The following MACROD2 variants were observed in gnomAD, a reference collection of about 807,000 sequenced individuals.
MACROD2 encodes ADP-ribose glycohydrolase MACROD2.
A neutral mutation model predicts 70.4 loss-of-function variants in MACROD2; 36 were observed. The observed-to-expected ratio is 0.51, with a 90% CI of 0.39 to 0.68. MACROD2 has a LOEUF of 0.68. Among genes scored for constraint, MACROD2 ranks in the 30% least tolerant of loss-of-function variants. The pLI, the probability that MACROD2 is intolerant of heterozygous loss-of-function variation, is 0.00. For missense variants in MACROD2, 496 were observed against 538.4 expected (o/e 0.92, Z 0.78); for synonymous variants, 172 against 178.8 (o/e 0.96, Z 0.30).
intron 4 of MACROD2, among the ~76,000 whole-genome samples, chr20:14,582,418 G>C (rs1214788893): frequency 6.6e-6 from 1 of 151,946 alleles, no homozygotes; most frequent in Non-Finnish European, 1.5e-5. Context: ...TCTGTGAGTT[G>C]GTTGCCTTAA....
intron 3 of MACROD2, among the ~76,000 whole-genome samples, chr20:14,167,083 A>T (rs1434921725): frequency 6.6e-6 from 1 of 151,486 alleles, no homozygotes; most frequent in Non-Finnish European, 1.5e-5. Flanking sequence ...ACATGTCTTG[A>T]TTTTCTGTTT....
chr20:14,859,453 G>A (rs1403027897), intron 5 of MACROD2, among the ~76,000 whole-genome samples: 5 of 152,070 alleles, frequency 3.3e-5, no homozygotes, highest in African/African-American at 7.2e-5. Context: ...AATGCTAGTC[G>A]TTGTTATTAT....
intron 5 of MACROD2, among the ~76,000 whole-genome samples, chr20:15,164,062 G>A (rs904517924): frequency 2.0e-5 from 3 of 152,120 alleles, no homozygotes; most frequent in African/African-American, 7.2e-5. Flanking sequence ...AAAAAAATCA[G>A]AGAAAATAAC....
intron 4 of MACROD2, among the ~76,000 whole-genome samples, chr20:14,586,394 C>A (rs1259808938): frequency 6.6e-6 from 1 of 151,978 alleles, no homozygotes; most frequent in Non-Finnish European, 1.5e-5. Flanking sequence ...TTTCCTAATT[C>A]TAGGGTGCCA....
intron 6 of MACROD2, among the ~76,000 whole-genome samples, chr20:15,264,720 C>T (rs1372579696): frequency 6.6e-6 from 1 of 150,760 alleles, no homozygotes; most frequent in African/African-American, 2.4e-5. Context: ...ACCTTTTAGT[C>T]TCCTCTCCTG....
At chr20:14,930,863 T>TAAA (rs11448674) in intron 5 of MACROD2, among the ~76,000 whole-genome samples, 11 of 120,348 alleles carry the variant, frequency 9.1e-5, no homozygotes, top group Admixed American at 4.4e-4. Flanking sequence ...TTTTTTTAAG[T>TAAA]AAAAAAAAAA....
At chr20:15,398,861 C>A (rs1241201106) in intron 6 of MACROD2, among the ~76,000 whole-genome samples, 1 of 151,946 alleles carries the variant, frequency 6.6e-6, no homozygotes, top group Non-Finnish European at 1.5e-5. Flanking sequence ...ACTCTTTCAC[C>A]CAGGTTGTGC....
intron 6 of MACROD2, among the ~76,000 whole-genome samples, chr20:15,307,775 A>G (rs1028735799): frequency 1.3e-5 from 2 of 152,178 alleles, no homozygotes; most frequent in African/African-American, 2.4e-5. Flanking sequence ...AGGATCCAAT[A>G]CAAGATAACA....
At chr20:14,611,475 CG>C (rs1328636683) in intron 4 of MACROD2, among the ~76,000 whole-genome samples, 1 of 84,708 alleles carries the variant, frequency 1.2e-5, no homozygotes, top group Non-Finnish European at 2.2e-5. Flanking sequence ...TTTTTTTTGG[CG>C]GGGGGTCATA....
intron 5 of MACROD2, among the ~76,000 whole-genome samples, chr20:14,942,144 C>G (rs1284706602): frequency 6.6e-6 from 1 of 151,988 alleles, no homozygotes; most frequent in African/African-American, 2.4e-5. Flanking sequence ...GTTGCTTTTT[C>G]TTGCTTTTAA....
intron 4 of MACROD2, among the ~76,000 whole-genome samples, chr20:14,561,522 T>C (rs1443655584): frequency 6.6e-5 from 10 of 151,874 alleles, no homozygotes; most frequent in African/African-American, 2.2e-4. Context: ...ACAAATGTTA[T>C]ATTTTTATTT....
At chr20:15,279,576 C>T (rs949069478) in intron 6 of MACROD2, among the ~76,000 whole-genome samples, 2 of 152,052 alleles carry the variant, frequency 1.3e-5, no homozygotes, top group South Asian at 2.1e-4. Context: ...GAAATTGATA[C>T]AAAAAAGTAA....
At chr20:15,657,339 G>C (rs1454701211) in intron 8 of MACROD2, among the ~76,000 whole-genome samples, 1 of 152,176 alleles carries the variant, frequency 6.6e-6, no homozygotes, top group East Asian at 1.9e-4. Context: ...AGCTACTAAA[G>C]AGCAGAAAGA....
chr20:15,749,209 T>C (rs2051231441), intron 8 of MACROD2, among the ~76,000 whole-genome samples: 1 of 152,104 alleles, frequency 6.6e-6, no homozygotes, highest in Non-Finnish European at 1.5e-5. Flanking sequence ...TTAGCTAGCA[T>C]AGAGTAAGTA....
intron 15 of MACROD2, among the ~76,000 whole-genome samples, chr20:15,995,027 A>T (rs1028756906): frequency 6.6e-6 from 1 of 152,166 alleles, no homozygotes; most frequent in Non-Finnish European, 1.5e-5. Context: ...TGGAAACTTG[A>T]TTACAAGTGA....
chr20:15,894,812 A>G (rs2064944970), intron 10 of MACROD2, among the ~76,000 whole-genome samples: 1 of 152,238 alleles, frequency 6.6e-6, no homozygotes, highest in South Asian at 2.1e-4. Flanking sequence ...CGTTCAGAGG[A>G]GAACACTTAG....
chr20:15,435,749 T>C (rs6110605), intron 7 of MACROD2, among the ~76,000 whole-genome samples: 18,697 of 152,160 alleles, frequency 0.12, 1,288 homozygotes, highest in South Asian at 0.27. Flanking sequence ...CTGTGAAGAA[T>C]AGGGATTTCA....
chr20:16,040,744 C>A (rs533268489), intron 15 of MACROD2, among the ~76,000 whole-genome samples: 64 of 152,088 alleles, frequency 4.2e-4, no homozygotes, highest in African/African-American at 1.5e-3. Context: ...CAAACAACAA[C>A]AACAACAAAA....
intron 5 of MACROD2, among the ~76,000 whole-genome samples, chr20:15,191,563 A>G (rs1327607586): frequency 6.6e-6 from 1 of 152,192 alleles, no homozygotes; most frequent in Non-Finnish European, 1.5e-5. Context: ...GATGTAAACC[A>G]TAAGATGATC....
Sources: gnomAD v4.1 joint callset for allele counts (sites outside exome capture counted in the v4.1 genomes callset) on GRCh38, gnomAD v4.1.1 for gene constraint, MANE v1.5 for transcripts, NCBI Gene and HGNC (gene_info 2026-07-23, HGNC 2026-07-21) for gene names.